The following STK35 variants were observed in gnomAD, a reference collection of about 807,000 sequenced individuals.
STK35 encodes serine/threonine kinase 35.
A neutral mutation model predicts 37.3 loss-of-function variants in STK35; 17 were observed. That is an observed-to-expected ratio of 0.46 (90% CI 0.31 to 0.68). The LOEUF is 0.68. Among genes scored for constraint, STK35 ranks in the 30% least tolerant of loss-of-function variants. STK35 has a pLI of 0.05. For missense variants in STK35, 595 were observed against 746.7 expected (o/e 0.80, Z 2.37); for synonymous variants, 385 against 319.1 (o/e 1.21, Z -2.20).
At chr20:2,130,549 C>T (rs1011359656) in intron 3 of STK35, among the ~76,000 whole-genome samples, 3 of 152,112 alleles carry the variant, frequency 2.0e-5, no homozygotes, top group African/African-American at 7.2e-5. Context: ...GATCCTGTCA[C>T]GGGGCAGCTC....
intron 3 of STK35, among the ~76,000 whole-genome samples, chr20:2,121,404 T>G (rs1266758873): frequency 6.6e-6 from 1 of 152,010 alleles, no homozygotes; most frequent in African/African-American, 2.4e-5. Flanking sequence ...GAGAAAGGAA[T>G]TAATCATCAC....
At chr20:2,143,749 C>T (rs1343311536) in intron 3 of STK35, 35 bp from the exon 4 acceptor site, 1 of 357,534 alleles carries the variant, frequency 2.8e-6, no homozygotes, top group East Asian at 9.0e-5. Context: ...GCCTGCTGAC[C>T]AATGTCCCCT....
At chr20:2,107,925 G>A (rs1413442075) in intron 2 of STK35, among the ~76,000 whole-genome samples, 1 of 152,168 alleles carries the variant, frequency 6.6e-6, no homozygotes, top group East Asian at 1.9e-4. Flanking sequence ...TTTAATCCCA[G>A]TTTCACCCTG....
At chr20:2,105,692 G>A (rs1377727430) in intron 2 of STK35, among the ~76,000 whole-genome samples, 1 of 137,812 alleles carries the variant, frequency 7.3e-6, no homozygotes, top group African/African-American at 2.6e-5. Flanking sequence ...TCCACATAGG[G>A]AGGAATTCAC....
chr20:2,130,456 A>G (rs1231016555), intron 3 of STK35, among the ~76,000 whole-genome samples: 1 of 152,166 alleles, frequency 6.6e-6, no homozygotes, highest in East Asian at 1.9e-4. Flanking sequence ...TGTTTCAAGA[A>G]CATGGCGTTT....
intron 2 of STK35, among the ~76,000 whole-genome samples, chr20:2,107,743 A>G (rs907175615): frequency 2.0e-5 from 3 of 152,320 alleles, no homozygotes; most frequent in South Asian, 4.1e-4. Flanking sequence ...CCTTCAGAGC[A>G]GAGCAAGGCC....
chr20:2,103,816 G>C (rs62194377), intron 2 of STK35, among the ~76,000 whole-genome samples: 1 of 152,118 alleles, frequency 6.6e-6, no homozygotes, highest in Admixed American at 6.6e-5. Context: ...CTCCCTGTCT[G>C]GTTCCAAGTT....
chr20:2,128,956 C>T (rs1985952881), intron 3 of STK35, among the ~76,000 whole-genome samples: 1 of 151,996 alleles, frequency 6.6e-6, no homozygotes, highest in African/African-American at 2.4e-5. Context: ...TCCCGAGTAG[C>T]TGGGATTATA....
intron 3 of STK35, among the ~76,000 whole-genome samples, chr20:2,126,620 C>T (rs1466653529): frequency 6.6e-6 from 1 of 152,166 alleles, no homozygotes; most frequent in African/African-American, 2.4e-5. Flanking sequence ...CGCATTCGTG[C>T]TCCCAGCCCC....
At chr20:2,141,189 T>C (rs950005391) in intron 3 of STK35, among the ~76,000 whole-genome samples, 13 of 152,354 alleles carry the variant, frequency 8.5e-5, no homozygotes, top group African/African-American at 2.9e-4. Context: ...GCAATAGGCA[T>C]GCTAAATAGA....
intron 3 of STK35, among the ~76,000 whole-genome samples, chr20:2,126,569 C>T (rs1985910307): frequency 6.6e-6 from 1 of 152,124 alleles, no homozygotes; most frequent in Non-Finnish European, 1.5e-5. Context: ...GGACCCAGGA[C>T]CTAGGGAGAG....
rs1319290494 is a variant in STK35 at position 2,117,908 on chromosome 20, G to C, written c.*37+493G>C. 1.3e-5 allele frequency among the ~76,000 whole-genome samples: 2 copies of C among 152,216 alleles called. No homozygotes were observed. The highest frequency in any genetic ancestry group is 2.9e-5 in the Non-Finnish European group (2 of 68,038). Reference sequence around the variant, plus strand: ...ATGGGAGAAACGTGCAATTATCTGAGTACACGTTGGAAAGTCTAGAGAAGT... The same window carrying C: ...ATGGGAGAAACGTGCAATTATCTGACTACACGTTGGAAAGTCTAGAGAAGT... On this transcript the variant is annotated intron_variant, in intron 3 of 3. Transcript: ENST00000381482. The surrounding 1 kb of genome is among the most constrained non-coding windows in gnomAD (Gnocchi z 4.4).
intron 1 of STK35, among the ~76,000 whole-genome samples, chr20:2,102,428 G>A (rs1191469638): frequency 6.6e-6 from 1 of 152,182 alleles, no homozygotes; most frequent in Non-Finnish European, 1.5e-5. Context: ...TCACAGAGGG[G>A]GCCAAGCAAA....
Position 2,129,071 on chromosome 20 carries a change from C to T in STK35, c.*37+11656C>T, listed in dbSNP as rs977384197. Among the ~76,000 whole-genome samples, 35 of 152,304 alleles carry T rather than the reference C, an allele frequency of 2.3e-4. 1 individual carries two copies. The East Asian group carries it at 2.7e-3, about 12-fold the overall frequency. The stretch of plus-strand genomic sequence containing the variant: ...ATCTCCTGACCTCGTGATCCACCCG[C>T]CTCGGCCTCCCAAAGTGCTGGGATT... On this transcript the variant is annotated intron_variant, in intron 3 of 3. Transcript: ENST00000381482.
intron 3 of STK35, among the ~76,000 whole-genome samples, chr20:2,123,693 A>G (rs958434724): frequency 6.6e-5 from 10 of 152,272 alleles, no homozygotes; most frequent in African/African-American, 2.2e-4. Flanking sequence ...TTGAAACAGC[A>G]AAGTATTCAA....
intron 2 of STK35, among the ~76,000 whole-genome samples, chr20:2,107,549 G>T (rs182212786): frequency 1.3e-5 from 2 of 152,316 alleles, no homozygotes; most frequent in African/African-American, 4.8e-5. Context: ...CATAATGCAG[G>T]GTCACAAGTG....
At chr20:2,135,973 G>T (rs1432706224) in intron 3 of STK35, among the ~76,000 whole-genome samples, 2 of 152,176 alleles carry the variant, frequency 1.3e-5, no homozygotes, top group African/African-American at 4.8e-5. Context: ...ACTCCAGCCT[G>T]ACAGAGCAAG....
At position 2,143,909 on chromosome 20, in the gene STK35, G is replaced by A; in HGVS notation, c.*163G>A. On this transcript the variant is annotated 3_prime_UTR_variant, in exon 4 of 4. Coordinates refer to ENST00000381482, the MANE Select transcript of STK35 (RefSeq NM_080836.4). ...TCCGGCAATGTGAAGCTTTTGTTTG[G>A]GTTTCCCCGCTTCTTTTTAGTTTTG... 3 of 444,502 alleles carry A rather than the reference G, an allele frequency of 6.7e-6. No homozygotes were observed. The highest frequency in any genetic ancestry group is 4.9e-5 in the South Asian group (3 of 61,486). 27.5% of individuals were successfully genotyped at this position (444,502 alleles called of 1,614,324 possible).
chr20:2,104,744 C>T (rs1002547363), intron 2 of STK35, among the ~76,000 whole-genome samples: 1 of 152,164 alleles, frequency 6.6e-6, no homozygotes, highest in African/African-American at 2.4e-5. Flanking sequence ...GAGTTGGAAA[C>T]ATGAATCAGT....
Sources: gnomAD v4.1 joint callset for allele counts (sites outside exome capture counted in the v4.1 genomes callset) on GRCh38, gnomAD v4.1.1 for gene constraint, Gnocchi (gnomAD v3.1) non-coding constraint, MANE v1.5 for transcripts, NCBI Gene and HGNC (gene_info 2026-07-23, HGNC 2026-07-21) for gene names.